The following TUSC3 variants were observed in gnomAD, a reference collection of about 807,000 sequenced individuals.
TUSC3 encodes tumor suppressor candidate 3.
Under a neutral mutation model 44.8 loss-of-function variants are expected in TUSC3, and 45 were observed. The ratio of observed to expected loss-of-function variants is 1.00; its 90% CI spans 0.79 to 1.29. The LOEUF (loss-of-function observed/expected upper bound fraction) is 1.29. Ranked by LOEUF, TUSC3 falls within the 50% of genes most tolerant of loss-of-function variation. TUSC3 has a pLI of 0.00. For synonymous variants in TUSC3, 212 were observed against 152.9 expected, an observed-to-expected ratio of 1.39 and a Z score of -2.85; for missense variants, 519 against 437.9, an observed-to-expected ratio of 1.19 and a Z score of -1.65.
intron 1 of TUSC3, among the ~76,000 whole-genome samples, chr8:15,560,959 G>A (rs1351176215): frequency 4.9e-5 from 5 of 101,738 alleles, no homozygotes; most frequent in Non-Finnish European, 8.4e-5. Context: ...ATGTCCTCCT[G>A]TAGCTGAGAG....
Position 15,439,736 on chromosome 8 carries a change from C to G in TUSC3, n.91+22431C>G, listed in dbSNP as rs368749819. On this transcript the variant is annotated intron_variant and non_coding_transcript_variant, in intron 1 of 5. Transcript: ENST00000503191. ...TTATTTTTTAGACATACTGTGTTATCTCTTTTATCTTAATAAGTATTTCCC... is the reference window on the plus strand; with the variant it reads ...TTATTTTTTAGACATACTGTGTTATGTCTTTTATCTTAATAAGTATTTCCC... Among the ~76,000 whole-genome samples, 4 of 152,192 alleles carry G rather than the reference C, an allele frequency of 2.6e-5. No homozygotes were observed. The East Asian group carries it at 5.8e-4, about 22-fold the overall frequency.
chr8:15,558,762 C>T (rs1371553307), intron 1 of TUSC3, among the ~76,000 whole-genome samples: 1 of 129,826 alleles, frequency 7.7e-6, no homozygotes, highest in Non-Finnish European at 1.7e-5. Flanking sequence ...GGAATTTATC[C>T]ATTTCTTCTA....
chr8:15,433,840 A>T (rs1365480764), intron 1 of TUSC3, among the ~76,000 whole-genome samples: 1 of 152,070 alleles, frequency 6.6e-6, no homozygotes, highest in Non-Finnish European at 1.5e-5. Flanking sequence ...CTGTATTTGG[A>T]TTTTTTCCAG....
intron 1 of TUSC3, among the ~76,000 whole-genome samples, chr8:15,477,596 G>T (rs897859615): frequency 6.6e-6 from 1 of 151,940 alleles, no homozygotes; most frequent in African/African-American, 2.4e-5. Flanking sequence ...GTGGCGGGTG[G>T]CTGTAGTCCC....
At chr8:15,418,273 G>A (rs931947685) in intron 1 of TUSC3, among the ~76,000 whole-genome samples, 1 of 152,124 alleles carries the variant, frequency 6.6e-6, no homozygotes, top group South Asian at 2.1e-4. Context: ...ACAATAGGTG[G>A]TATTCGTAAC....
rs568857974 is a variant in TUSC3 at position 15,494,629 on chromosome 8, A to G, written n.189+11146A>G. 5.3e-4 allele frequency among the ~76,000 whole-genome samples: 80 copies of G among 152,182 alleles called. 1 individual carries two copies. In the South Asian group the frequency reaches 9.5e-3, roughly 18 times the overall value. ...ACCGCACCTGGCCTCTCATTTTCTTATCAAGATTTCCAGCACACTAACCAC... is the reference window on the plus strand; with the variant it reads ...ACCGCACCTGGCCTCTCATTTTCTTGTCAAGATTTCCAGCACACTAACCAC... On this transcript the variant is annotated intron_variant and non_coding_transcript_variant, in intron 2 of 5. Coordinates refer to the TUSC3 transcript ENST00000503191.
At chr8:15,581,714 T>C (rs1250374929) in intron 1 of TUSC3, among the ~76,000 whole-genome samples, 10 of 137,646 alleles carry the variant, frequency 7.3e-5, no homozygotes, top group South Asian at 4.5e-4. Context: ...ACCACTGCTC[T>C]CTTCAAAGCT....
the TUSC3 span, among the ~76,000 whole-genome samples, chr8:15,797,262 G>C: frequency 3.9e-5 from 6 of 152,180 alleles, no homozygotes; most frequent in East Asian, 7.7e-4. Flanking sequence ...TTTTGGATAA[G>C]CCAATATAAA....
chr8:15,468,049 TAAAAAG>T (rs1800437169), intron 1 of TUSC3, among the ~76,000 whole-genome samples: 2 of 152,246 alleles, frequency 1.3e-5, no homozygotes, highest in African/African-American at 2.4e-5. Flanking sequence ...GATTAGTAAT[TAAAAAG>T]AGAATGAGTA....
intron 1 of TUSC3, among the ~76,000 whole-genome samples, chr8:15,613,693 A>C (rs930679284): frequency 2.6e-5 from 4 of 152,298 alleles, no homozygotes; most frequent in Admixed American, 2.6e-4. Flanking sequence ...GCAGTGTGAA[A>C]ACAGACTAAT....
At chr8:15,542,045 C>T (rs1452559619) in intron 1 of TUSC3, among the ~76,000 whole-genome samples, 1 of 151,752 alleles carries the variant, frequency 6.6e-6, no homozygotes, top group Non-Finnish European at 1.5e-5. Context: ...GTGACACAGC[C>T]TCTGGAGGTC....
At chr8:15,568,595 T>C (rs1452557444) in intron 1 of TUSC3, among the ~76,000 whole-genome samples, 1 of 151,746 alleles carries the variant, frequency 6.6e-6, no homozygotes, top group Non-Finnish European at 1.5e-5. Flanking sequence ...AAATTAAAAA[T>C]ACACAAATTC....
intron 1 of TUSC3, among the ~76,000 whole-genome samples, chr8:15,442,991 T>C (rs537805608): frequency 2.0e-5 from 3 of 152,274 alleles, no homozygotes; most frequent in South Asian, 2.1e-4. Context: ...AAGCTTGATG[T>C]TTCCCTTTTA....
At chr8:15,705,115 G>A (rs1425845027) in intron 6 of TUSC3, among the ~76,000 whole-genome samples, 3 of 150,880 alleles carry the variant, frequency 2.0e-5, no homozygotes, top group Non-Finnish European at 3.0e-5. Context: ...TGCCCTGGGT[G>A]CATGATTTTT....
chr8:15,441,697 A>G (rs191223316), intron 1 of TUSC3, among the ~76,000 whole-genome samples: 42 of 152,336 alleles, frequency 2.8e-4, no homozygotes, highest in African/African-American at 1.0e-3. Context: ...GTTGTGAAGA[A>G]GTGTAAAAAA....
chr8:15,733,262 G>T (rs542125557), intron 7 of TUSC3: 47 of 297,734 alleles, frequency 1.6e-4, no homozygotes, highest in Non-Finnish European at 2.1e-4. Context: ...AGCAAAACAT[G>T]TTAACATTAA....
At chr8:15,838,424 T>G in the TUSC3 span, among the ~76,000 whole-genome samples, 1 of 152,134 alleles carries the variant, frequency 6.6e-6, no homozygotes, top group African/African-American at 2.4e-5. Flanking sequence ...GATTCAACTA[T>G]ATATCATGAC....
intron 1 of TUSC3, among the ~76,000 whole-genome samples, chr8:15,583,840 A>C (rs532997198): frequency 6.6e-6 from 1 of 152,316 alleles, no homozygotes. Context: ...CCAGAAAAAA[A>C]CCACAAACCC....
intron 10 of TUSC3, among the ~76,000 whole-genome samples, chr8:15,759,940 CCTT>C (rs1812103262): frequency 6.6e-6 from 1 of 152,086 alleles, no homozygotes; most frequent in Admixed American, 6.6e-5. Flanking sequence ...TCATCCTCAT[CCTT>C]CTTTATGTTA....
Sources: gnomAD v4.1 joint callset for allele counts (sites outside exome capture counted in the v4.1 genomes callset) on GRCh38, gnomAD v4.1.1 for gene constraint, MANE v1.5 for transcripts, NCBI Gene and HGNC (gene_info 2026-07-23, HGNC 2026-07-21) for gene names.